Variants in BLTP1 observed in about 807,000 individuals in gnomAD.
The protein encoded by BLTP1 is bridge-like lipid transfer protein family member 1.
chr4:122,278,812 T>C, the BLTP1 span, among the ~76,000 whole-genome samples: 1 of 152,144 alleles, frequency 6.6e-6, no homozygotes, highest in Admixed American at 6.5e-5. Flanking sequence ...TTATATTTTT[T>C]CTAGAGATGG....
At chr4:122,173,002 A>T in the BLTP1 span, 1 of 1,610,534 alleles carries the variant, frequency 6.2e-7, no homozygotes, top group Non-Finnish European at 8.5e-7. Context: ...GTAGAAGTAA[A>T]TCCTATTATT....
At chr4:122,262,647 G>A in the BLTP1 span, 1 of 1,195,252 alleles carries the variant, frequency 8.4e-7, no homozygotes, top group African/African-American at 1.5e-5. Context: ...GATCAGTTTT[G>A]GTATTAATGT....
chr4:122,255,421 C>A, the BLTP1 span: 1 of 605,218 alleles, frequency 1.7e-6, no homozygotes, highest in Non-Finnish European at 2.8e-6. Flanking sequence ...CTTTGGGAGG[C>A]TGAGGCGGTT....
chr4:122,177,171 G>A, the BLTP1 span, among the ~76,000 whole-genome samples: 5 of 152,012 alleles, frequency 3.3e-5, no homozygotes, highest in South Asian at 4.2e-4. Context: ...CCTACCCCAC[G>A]GTATTTTCCA....
At chr4:122,239,920 A>C in the BLTP1 span, 4 of 1,614,038 alleles carry the variant, frequency 2.5e-6, no homozygotes, top group Non-Finnish European at 3.4e-6. Flanking sequence ...CCTGGAACTT[A>C]TCCGGGTAGA....
At chr4:122,247,420 A>G in the BLTP1 span, 8 of 1,574,518 alleles carry the variant, frequency 5.1e-6, no homozygotes, top group African/African-American at 1.1e-4. Flanking sequence ...ATTTTGCAGA[A>G]GGGAACATGT....
chr4:122,215,242 C>A, the BLTP1 span: 1 of 585,288 alleles, frequency 1.7e-6, no homozygotes, highest in Non-Finnish European at 2.2e-6. Context: ...ATGGAGATTG[C>A]TTTAGTAGCA....
At chr4:122,343,697 G>T in the BLTP1 span, 1 of 1,386,926 alleles carries the variant, frequency 7.2e-7, no homozygotes, top group Non-Finnish European at 9.9e-7. Context: ...TAAGGACATA[G>T]CCAAGATCAG....
the BLTP1 span, chr4:122,336,775 C>T: frequency 1.4e-4 from 185 of 1,297,326 alleles, 1 homozygote; most frequent in African/African-American, 1.5e-3. Context: ...CAAATGTTTC[C>T]GGGTGTTCAT....
At chr4:122,299,193 CAG>C in the BLTP1 span, 1 of 969,580 alleles carries the variant, frequency 1.0e-6, no homozygotes, top group Non-Finnish European at 1.2e-6. Flanking sequence ...AAGGGTGTAT[CAG>C]AAAGAGTTTG....
At chr4:122,209,996 C>G in the BLTP1 span, 1 of 1,535,558 alleles carries the variant, frequency 6.5e-7, no homozygotes, top group Non-Finnish European at 8.8e-7. Context: ...AAATAAGAAG[C>G]AAATAAATTG....
chr4:122,232,156 A>G, the BLTP1 span: 1 of 977,890 alleles, frequency 1.0e-6, no homozygotes, highest in Non-Finnish European at 1.2e-6. Context: ...AATTGTGAAG[A>G]GTCTGGGGTT....
At chr4:122,194,731 AT>A in the BLTP1 span, 2 of 807,988 alleles carry the variant, frequency 2.5e-6, no homozygotes, top group Non-Finnish European at 3.0e-6. Flanking sequence ...TTCATTATGT[AT>A]TTTTCATAAA....
At chr4:122,173,137 G>A in the BLTP1 span, 1 of 1,610,458 alleles carries the variant, frequency 6.2e-7, no homozygotes, top group Non-Finnish European at 8.5e-7. Context: ...ATACAAGCAT[G>A]GCTATATCCA....
the BLTP1 span, chr4:122,211,090 A>G: frequency 5.6e-6 from 9 of 1,610,086 alleles, no homozygotes; most frequent in Middle Eastern, 1.7e-4. Context: ...CTTTTTGTGT[A>G]TAAAGGTATG....
At chr4:122,276,038 C>A in the BLTP1 span, 5 of 1,570,784 alleles carry the variant, frequency 3.2e-6, no homozygotes, top group African/African-American at 4.1e-5. Context: ...TCATATTATT[C>A]TTTTTCATGG....
At chr4:122,162,471 G>T in the BLTP1 span, 2 of 977,454 alleles carry the variant, frequency 2.0e-6, no homozygotes, top group South Asian at 4.7e-5. Context: ...CTGTGGGCAG[G>T]TTCACAGATG....
chr4:122,331,033 A>C, the BLTP1 span: 1 of 963,466 alleles, frequency 1.0e-6, no homozygotes, highest in Non-Finnish European at 1.2e-6. Flanking sequence ...TTATAATTTG[A>C]GAAAATGAAA....
At chr4:122,198,104 C>G in the BLTP1 span, 1 of 985,278 alleles carries the variant, frequency 1.0e-6, no homozygotes, top group Non-Finnish European at 1.2e-6. Context: ...GGAAAGCAGG[C>G]AGAGGGTTGA....
Sources: gnomAD v4.1 joint callset for allele counts (sites outside exome capture counted in the v4.1 genomes callset) on GRCh38, gnomAD v4.1.1 for gene constraint, MANE v1.5 for transcripts, NCBI Gene and HGNC (gene_info 2026-07-23, HGNC 2026-07-21) for gene names.